TRIM9: variants seen among roughly 807,000 people sequenced by gnomAD.
TRIM9 encodes tripartite motif containing 9.
Under a neutral mutation model 78.3 loss-of-function variants are expected in TRIM9, and 26 were observed. The ratio of observed to expected loss-of-function variants is 0.33; its 90% confidence interval spans 0.24 to 0.46. The LOEUF (loss-of-function observed/expected upper bound fraction) is 0.46, where lower values mean the gene tolerates loss of function less well. TRIM9 is among the 20% of genes least tolerant of loss of function. The pLI, the probability that TRIM9 is intolerant of heterozygous loss-of-function variation, is 1.00. For missense variants in TRIM9, 787 were observed against 1,036.4 expected (o/e 0.76, Z 3.30); for synonymous variants, 398 against 416.5 (o/e 0.96, Z 0.54).
Position 51,075,383 on chromosome 14 carries a change from A to G in TRIM9, c.822+18735T>C, listed in dbSNP as rs888357535. On this transcript the variant is annotated intron_variant, in intron 1 of 12. Coordinates refer to ENST00000684578, the MANE Select transcript of TRIM9 (RefSeq NM_001387360.1). Reference sequence around the variant, plus strand: ...TTTTTCTTTAAAAAAAATGTTTTAAAGCCTGTTAGTAACTCGTCGGTGTAC... The same window carrying G: ...TTTTTCTTTAAAAAAAATGTTTTAAGGCCTGTTAGTAACTCGTCGGTGTAC... 2.6e-5 allele frequency among the ~76,000 whole-genome samples: 4 copies of G among 152,320 alleles called. No homozygotes were observed. In the East Asian group the frequency reaches 5.8e-4, roughly 22 times the overall value.
intron 1 of TRIM9, among the ~76,000 whole-genome samples, chr14:51,043,567 T>C (rs61985042): frequency 0.2 from 29,854 of 152,202 alleles, 3,304 homozygotes; most frequent in Non-Finnish European, 0.25. Flanking sequence ...TCTGAGGGAC[T>C]AGGGGAGAGT....
intron 5 of TRIM9, among the ~76,000 whole-genome samples, chr14:51,008,856 A>G (rs2056193760): frequency 6.6e-6 from 1 of 152,206 alleles, no homozygotes; most frequent in Non-Finnish European, 1.5e-5. Flanking sequence ...GGTGCTGAGC[A>G]CTTGAAATCT....
chr14:50,989,896 C>A (rs531603179), intron 7 of TRIM9, among the ~76,000 whole-genome samples: 4 of 152,268 alleles, frequency 2.6e-5, no homozygotes, highest in African/African-American at 9.6e-5. Flanking sequence ...GGGCAGAGAC[C>A]TCTGCTTAAA....
At chr14:50,986,893 G>A (rs1390587474) in intron 7 of TRIM9, among the ~76,000 whole-genome samples, 1 of 152,196 alleles carries the variant, frequency 6.6e-6, no homozygotes, top group Non-Finnish European at 1.5e-5. Context: ...CAGATAGTCA[G>A]GTTTGGCCTG....
At chr14:51,021,117 A>G (rs911569731) in intron 3 of TRIM9, among the ~76,000 whole-genome samples, 35 of 152,338 alleles carry the variant, frequency 2.3e-4, no homozygotes, top group African/African-American at 8.4e-4. Context: ...CTGCTATAAC[A>G]ATAAAAGTTT....
chr14:51,038,379 G>A (rs1485029851), intron 1 of TRIM9, among the ~76,000 whole-genome samples: 1 of 152,142 alleles, frequency 6.6e-6, no homozygotes, highest in East Asian at 1.9e-4. Context: ...TAAGTTTTTT[G>A]TACTGTTTCA....
At chr14:51,071,026 T>C (rs939977104) in intron 1 of TRIM9, among the ~76,000 whole-genome samples, 1 of 151,816 alleles carries the variant, frequency 6.6e-6, no homozygotes, top group African/African-American at 2.4e-5. Flanking sequence ...AGGAATACAT[T>C]TACATTTCGG....
chr14:51,053,802 G>A (rs1169151040), intron 1 of TRIM9, among the ~76,000 whole-genome samples: 1 of 148,082 alleles, frequency 6.8e-6, no homozygotes, highest in East Asian at 2.0e-4. Flanking sequence ...CTGTGTCCAT[G>A]TGATCTCATT....
chr14:51,078,895 G>A (rs1032583510), intron 1 of TRIM9, among the ~76,000 whole-genome samples: 2 of 152,128 alleles, frequency 1.3e-5, no homozygotes, highest in Non-Finnish European at 2.9e-5. Flanking sequence ...GATTTTAGCT[G>A]CTCTTGTCAC....
At chr14:51,042,148 C>T (rs11626802) in intron 1 of TRIM9, among the ~76,000 whole-genome samples, 29,986 of 152,144 alleles carry the variant, frequency 0.2, 3,346 homozygotes, top group Non-Finnish European at 0.25. Flanking sequence ...CTCACTCCAG[C>T]ATGATGATGC....
At chr14:51,049,780 G>C (rs977044397) in intron 1 of TRIM9, among the ~76,000 whole-genome samples, 1 of 151,096 alleles carries the variant, frequency 6.6e-6, no homozygotes, top group African/African-American at 2.4e-5. Context: ...AGCCGAGATT[G>C]CACCACTGCA....
chr14:51,084,151 T>C (rs1481436500), intron 1 of TRIM9, among the ~76,000 whole-genome samples: 1 of 147,740 alleles, frequency 6.8e-6, no homozygotes, highest in East Asian at 1.9e-4. Context: ...AAGAGCTTAC[T>C]ATCAGTTCAA....
intron 1 of TRIM9, among the ~76,000 whole-genome samples, chr14:51,056,321 T>G (rs1195165192): frequency 6.6e-6 from 1 of 152,246 alleles, no homozygotes; most frequent in Non-Finnish European, 1.5e-5. Context: ...ATAAATTCAT[T>G]GTGTTAACTG....
At position 51,094,256 on chromosome 14, in the gene TRIM9, G is replaced by T. The variant is rs779474155; in HGVS notation, c.684C>A (p.Thr228=). The change falls in exon 1 of 13, where the codon ACC becomes ACA. Residue 228 remains threonine, a synonymous_variant. Transcript: ENST00000684578. ...SRRLSPRKVS[T]CTDHELENHS... ...GGTTCTCCAGCTCGTGGTCTGTGCA[G>T]GTGGAGACCTTGCGTGGGCTCAGCC... The T allele has an allele frequency of 4.3e-5, 69 of 1,614,108 alleles. No homozygotes were observed. The highest frequency in any genetic ancestry group is 5.5e-5 in the Non-Finnish European group (65 of 1,180,046).
intron 1 of TRIM9, among the ~76,000 whole-genome samples, chr14:51,054,819 G>A (rs1040118072): frequency 1.3e-5 from 2 of 151,994 alleles, no homozygotes; most frequent in South Asian, 2.1e-4. Flanking sequence ...GATTACAGGC[G>A]TGAGCCACTG....
intron 1 of TRIM9, among the ~76,000 whole-genome samples, chr14:51,047,267 T>A (rs993811349): frequency 6.6e-6 from 1 of 152,170 alleles, no homozygotes; most frequent in Non-Finnish European, 1.5e-5. Flanking sequence ...AACTCAAGCA[T>A]TACCTCCTCT....
At chr14:51,065,510 GA>G (rs1189031904) in intron 1 of TRIM9, among the ~76,000 whole-genome samples, 8 of 152,186 alleles carry the variant, frequency 5.3e-5, no homozygotes, top group Admixed American at 5.2e-4. Flanking sequence ...GTTCATTTCT[GA>G]AAAGGGACAG....
intron 4 of TRIM9, 47 bp downstream of exon 4, chr14:51,010,337 T>C: frequency 1.3e-6 from 2 of 1,492,424 alleles, no homozygotes; most frequent in Non-Finnish European, 1.9e-6. Flanking sequence ...CTAGACTATG[T>C]CCTATGGGAC....
chr14:51,082,299 T>C (rs968688732), intron 1 of TRIM9, among the ~76,000 whole-genome samples: 2 of 152,236 alleles, frequency 1.3e-5, no homozygotes, highest in African/African-American at 2.4e-5. Flanking sequence ...AAAACTTGTA[T>C]ATGAATGTTC....
Sources: gnomAD v4.1 joint callset for allele counts (sites outside exome capture counted in the v4.1 genomes callset) on GRCh38, gnomAD v4.1.1 for gene constraint, MANE v1.5 for transcripts, NCBI Gene and HGNC (gene_info 2026-07-23, HGNC 2026-07-21) for gene names.